XXYLT1: variants seen among roughly 807,000 people sequenced by gnomAD.
The protein encoded by XXYLT1 is UDP-xylose:alpha-xyloside alpha-1,3-xylosyltransferase.
In XXYLT1, 20 loss-of-function variants were observed where a neutral mutation model predicts 28.9. The ratio of observed to expected loss-of-function variants is 0.69; its 90% CI spans 0.49 to 1.00. The LOEUF (loss-of-function observed/expected upper bound fraction) is 1.00. Ranked by LOEUF, XXYLT1 falls within the 50% of genes least tolerant of loss-of-function variation. XXYLT1 has a pLI of 0.00. For missense variants in XXYLT1, 542 were observed against 560.1 expected (o/e 0.97, Z 0.33); for synonymous variants, 257 against 253.8 (o/e 1.01, Z -0.12).
chr3:195,133,813 C>G lies in XXYLT1; in HGVS notation c.785+22636G>C, dbSNP rs1719026969. 6.6e-6 allele frequency among the ~76,000 whole-genome samples: 1 copy of G among 152,158 alleles called. No homozygotes were observed. The highest frequency in any genetic ancestry group is 6.5e-5 in the Admixed American group (1 of 15,288). On this transcript the variant is annotated intron_variant, in intron 3 of 3. Coordinates refer to ENST00000310380, the MANE Select transcript of XXYLT1 (RefSeq NM_152531.5). The surrounding 1 kb of genome is among the most constrained non-coding windows in gnomAD (Gnocchi z 4.4). ...CTTGGGGATCCTGACCCTGTGCAGG[C>G]CTAGGCTGATGTATGTGTTTGGCTT...
intron 3 of XXYLT1, among the ~76,000 whole-genome samples, chr3:195,088,366 G>T (rs1021935340): frequency 1.4e-5 from 2 of 147,616 alleles, no homozygotes; most frequent in Non-Finnish European, 1.5e-5. Context: ...TCCTCAAGTG[G>T]GTCCCTGACC....
intron 3 of XXYLT1, among the ~76,000 whole-genome samples, chr3:195,093,294 T>C (rs2108663229): frequency 1.1e-5 from 1 of 92,404 alleles, no homozygotes; most frequent in Non-Finnish European, 2.0e-5. Flanking sequence ...TGTCCAACAA[T>C]GATAGACTGG....
chr3:195,253,806 A>G (rs1056899244), intron 1 of XXYLT1, among the ~76,000 whole-genome samples: 1 of 152,024 alleles, frequency 6.6e-6, no homozygotes, highest in Non-Finnish European at 1.5e-5. Context: ...GCCTGTTCAC[A>G]TTTCTGATCA....
intron 2 of XXYLT1, among the ~76,000 whole-genome samples, chr3:195,191,899 C>T (rs190646941): frequency 6.6e-6 from 1 of 152,294 alleles, no homozygotes; most frequent in Admixed American, 6.5e-5. Context: ...ATAGAGAATT[C>T]AACAATTATA....
In XXYLT1 at chr3:195,180,897, A is replaced by G. The variant is rs1334998005; in HGVS notation, c.653-24316T>C. ...CTTTAGCTATACAAAAGTAAGTGGT[A>G]TGGTTCATCCCTTCTTGGCTAATGA... On this transcript the variant is annotated intron_variant, in intron 2 of 3. Coordinates refer to ENST00000310380, the MANE Select transcript of XXYLT1 (RefSeq NM_152531.5). This position sits in a 1 kb window ranked among gnomAD's most constrained non-coding sequence, Gnocchi z 5.8. Among the ~76,000 whole-genome samples, 1 of 152,232 alleles carries G rather than the reference A, an allele frequency of 6.6e-6. No individual in the cohort carries two copies. The highest frequency in any genetic ancestry group is 1.5e-5 in the Non-Finnish European group (1 of 68,040).
chr3:195,231,615 C>T (rs1450836817), intron 1 of XXYLT1, among the ~76,000 whole-genome samples: 1 of 152,056 alleles, frequency 6.6e-6, no homozygotes, highest in Non-Finnish European at 1.5e-5. Flanking sequence ...TTATCAAATG[C>T]TTTTTCAGCA....
chr3:195,268,658 C>G (rs946637752), intron 1 of XXYLT1, among the ~76,000 whole-genome samples: 5 of 151,920 alleles, frequency 3.3e-5, no homozygotes, highest in African/African-American at 1.2e-4. Flanking sequence ...ACCCCTTATC[C>G]AATCACTGAC....
At chr3:195,159,168 A>G (rs1340154707) in intron 2 of XXYLT1, among the ~76,000 whole-genome samples, 2 of 152,252 alleles carry the variant, frequency 1.3e-5, no homozygotes, top group Non-Finnish European at 2.9e-5. Flanking sequence ...AGACAGCTAC[A>G]AGACTCACAA....
At chr3:195,141,389 A>T (rs1272485616) in intron 3 of XXYLT1, among the ~76,000 whole-genome samples, 2 of 152,214 alleles carry the variant, frequency 1.3e-5, no homozygotes, top group African/African-American at 4.8e-5. Flanking sequence ...TGAGTGTCAT[A>T]TGTTTTTCTA....
rs1013691557 is a variant in XXYLT1 at position 195,109,271 on chromosome 3, T to G, written c.786-39160A>C. Among the ~76,000 whole-genome samples the G allele has an allele frequency of 1.2e-4, 18 of 152,266 alleles. No individual in the cohort carries two copies. In the South Asian group the frequency reaches 3.5e-3, roughly 30 times the overall value. On this transcript the variant is annotated intron_variant, in intron 3 of 3. Transcript: ENST00000310380. ...AGCCCAGCAGCGCCTTCACTATAGC[T>G]GAACACCTTGAGGCACACTCTCGAG...
chr3:195,083,596 G>A (rs566221631), intron 3 of XXYLT1, among the ~76,000 whole-genome samples: 32 of 152,210 alleles, frequency 2.1e-4, no homozygotes, highest in African/African-American at 6.7e-4. Context: ...GAAAAATGAC[G>A]AGGAGGAGGA....
At position 195,249,826 on chromosome 3, in the gene XXYLT1, T is replaced by C. The variant is rs539306366; in HGVS notation, c.504+20729A>G. Among the ~76,000 whole-genome samples the C allele has an allele frequency of 2.6e-5, 4 of 152,226 alleles. No homozygotes were observed. In the East Asian group the frequency reaches 7.7e-4, roughly 29 times the overall value. On this transcript the variant is annotated intron_variant, in intron 1 of 3. Coordinates refer to ENST00000310380, the MANE Select transcript of XXYLT1 (RefSeq NM_152531.5). ...CACATACTTCAAGTCCACGCATAAA[T>C]AAACTCTAGTGGAGAAAACCTCAAC... is the stretch of plus-strand genomic sequence containing the variant.
chr3:195,252,910 C>T (rs953262150), intron 1 of XXYLT1, among the ~76,000 whole-genome samples: 3 of 152,152 alleles, frequency 2.0e-5, no homozygotes, highest in African/African-American at 7.2e-5. Context: ...TGGCATACGC[C>T]ACCGCAGGTG....
At chr3:195,186,651 G>A (rs1722209169) in intron 2 of XXYLT1, among the ~76,000 whole-genome samples, 1 of 151,898 alleles carries the variant, frequency 6.6e-6, no homozygotes, top group Non-Finnish European at 1.5e-5. Flanking sequence ...CACTCGGGCA[G>A]CACCTGGACT....
At chr3:195,125,105 A>G (rs1263272162) in intron 3 of XXYLT1, among the ~76,000 whole-genome samples, 1 of 152,236 alleles carries the variant, frequency 6.6e-6, no homozygotes. Context: ...GAGAATGTGT[A>G]AAAAAGAGAA....
intron 3 of XXYLT1, among the ~76,000 whole-genome samples, chr3:195,131,026 T>C (rs1718879706): frequency 6.6e-6 from 1 of 152,198 alleles, no homozygotes; most frequent in African/African-American, 2.4e-5. Flanking sequence ...AGCAGGACCA[T>C]TCAGGTCCCT....
At chr3:195,175,980 G>A in intron 2 of XXYLT1, 1 of 1,196,986 alleles carries the variant, frequency 8.4e-7, no homozygotes, top group Non-Finnish European at 1.1e-6. Context: ...TACTAACACA[G>A]AGGTCATCAG....
intron 3 of XXYLT1, among the ~76,000 whole-genome samples, chr3:195,141,050 A>G (rs1295572540): frequency 6.6e-6 from 1 of 152,208 alleles, no homozygotes; most frequent in South Asian, 2.1e-4. Context: ...CCATCTGCAA[A>G]CCAGGAAGTA....
intron 1 of XXYLT1, among the ~76,000 whole-genome samples, chr3:195,264,232 C>T (rs772918089): frequency 3.9e-5 from 6 of 152,214 alleles, no homozygotes; most frequent in Admixed American, 2.0e-4. Flanking sequence ...ATGGGGTTCC[C>T]GTAAACCTCA....
Sources: allele counts gnomAD v4.1 joint callset (sites outside exome capture counted in the v4.1 genomes callset), GRCh38; gene constraint gnomAD v4.1.1; non-coding constraint Gnocchi (gnomAD v3.1); transcripts MANE v1.5; gene names NCBI Gene and HGNC (gene_info 2026-07-23, HGNC 2026-07-21).